The following KLHL18 variants were observed in gnomAD, a reference collection of about 807,000 sequenced individuals.
The protein encoded by KLHL18 is kelch like family member 18, also known as kelch-like protein 18.
In KLHL18, 38 loss-of-function variants were observed where a neutral mutation model predicts 58.5. That is an observed-to-expected ratio of 0.65 (90% CI 0.50 to 0.85). The LOEUF is 0.85. Among genes scored for constraint, KLHL18 ranks in the 40% least tolerant of loss-of-function variants. The pLI, the probability that KLHL18 is intolerant of heterozygous loss-of-function variation, is 0.00. For missense variants in KLHL18, 624 were observed against 778.4 expected (o/e 0.80, Z 2.36); for synonymous variants, 303 against 301.9 (o/e 1.00, Z -0.04).
chr3:47,319,962 TGAA>T (rs1367086701), intron 2 of KLHL18, among the ~76,000 whole-genome samples, 179 bp downstream of exon 2: 1 of 151,944 alleles, frequency 6.6e-6, no homozygotes, highest in African/African-American at 2.4e-5. Flanking sequence ...AGGGTTAAAA[TGAA>T]GGGAGTTTTG....
chr3:47,312,747 G>T (rs1351234222), intron 1 of KLHL18, among the ~76,000 whole-genome samples: 1 of 152,008 alleles, frequency 6.6e-6, no homozygotes, highest in African/African-American at 2.4e-5. Context: ...GTTTCATTAT[G>T]TTGCCCACGC....
intron 1 of KLHL18, chr3:47,287,547 G>A (rs916191140): frequency 1.1e-4 from 16 of 152,150 alleles, no homozygotes; most frequent in African/African-American, 2.4e-4. Context: ...GGGCAGTAGC[G>A]CAATCTTGGC....
At position 47,343,834 on chromosome 3, in the gene KLHL18, T is replaced by C; in HGVS notation, c.1618T>C (p.Ser540Pro). 6.2e-7 allele frequency: 1 copy of C among 1,613,930 alleles called. No individual in the cohort carries two copies. The highest frequency in any genetic ancestry group is 8.5e-7 in the Non-Finnish European group (1 of 1,179,992). Reference protein sequence around the residue: ...GGYDGQSNLSSVEMYDPETDC... With the variant: ...GGYDGQSNLSPVEMYDPETDC... ...CTACGACGGACAGTCAAACCTAAGC[T>C]CAGTGGAGATGTATGACCCAGAGAC... is the stretch of plus-strand genomic sequence containing the variant. Residue 540 changes from serine (S) to proline (P), a missense_variant, in exon 10 of 10, where the codon TCA (serine) becomes CCA (proline). By Grantham distance (74) the Ser-to-Pro change is moderately conservative. Transcript: ENST00000232766.
chr3:47,322,503 C>T, intron 2 of KLHL18, 65 bp from the exon 3 acceptor site: 8 of 1,470,420 alleles, frequency 5.4e-6, no homozygotes, highest in Non-Finnish European at 7.3e-6. Context: ...CAGTTAGGGC[C>T]TGAGTCTCCC....
At chr3:47,342,230 C>G (rs908196609) in intron 8 of KLHL18, among the ~76,000 whole-genome samples, 2 of 152,118 alleles carry the variant, frequency 1.3e-5, no homozygotes, top group African/African-American at 4.8e-5. Flanking sequence ...GGTAGGAAAG[C>G]CAGGCTGCCT....
intron 1 of KLHL18, among the ~76,000 whole-genome samples, chr3:47,303,377 A>G (rs898110563): frequency 1.3e-5 from 2 of 152,168 alleles, no homozygotes; most frequent in African/African-American, 4.8e-5. Context: ...GACCACTTTG[A>G]TGCCTTCATA....
chr3:47,306,742 A>T (rs1703156617), intron 1 of KLHL18, among the ~76,000 whole-genome samples: 1 of 152,220 alleles, frequency 6.6e-6, no homozygotes, highest in Admixed American at 6.5e-5. Context: ...GTAAATTTAC[A>T]TACATTCTAG....
intron 7 of KLHL18, among the ~76,000 whole-genome samples, chr3:47,339,297 C>A (rs1192963710): frequency 6.6e-6 from 1 of 151,790 alleles, no homozygotes; most frequent in African/African-American, 2.4e-5. Flanking sequence ...GAGTTTAAGA[C>A]CAGCCTGGGC....
At chr3:47,332,412 G>A (rs1042796011) in intron 4 of KLHL18, among the ~76,000 whole-genome samples, 1 of 152,118 alleles carries the variant, frequency 6.6e-6, no homozygotes, top group Non-Finnish European at 1.5e-5. Flanking sequence ...GGATTAAAAG[G>A]TATGATTTAT....
At chr3:47,297,535 A>G in intron 1 of KLHL18, 1 of 456,654 alleles carries the variant, frequency 2.2e-6, no homozygotes, top group Non-Finnish European at 4.4e-6. Context: ...AAGCCTCACC[A>G]TCTTTTTCTT....
chr3:47,286,861 C>G (rs1293694032), intron 1 of KLHL18, among the ~76,000 whole-genome samples: 1 of 152,194 alleles, frequency 6.6e-6, no homozygotes, highest in African/African-American at 2.4e-5. Context: ...CTTAATCCCC[C>G]TAAATGGTAC....
chr3:47,325,683 G>A (rs1703701252), intron 3 of KLHL18, among the ~76,000 whole-genome samples: 1 of 152,106 alleles, frequency 6.6e-6, no homozygotes, highest in Non-Finnish European at 1.5e-5. Context: ...CTGAGGCTGG[G>A]GTTGACTTTT....
At chr3:47,284,322 CTTCTT>C (rs1311933975) in intron 1 of KLHL18, among the ~76,000 whole-genome samples, 1 of 148,664 alleles carries the variant, frequency 6.7e-6, no homozygotes, top group Non-Finnish European at 1.5e-5. Context: ...TTCTTTTGCT[CTTCTT>C]TTCTTTTTTC....
chr3:47,311,013 CT>C lies in KLHL18; in HGVS notation c.130-8626del, dbSNP rs372494094. Among the ~76,000 whole-genome samples the C allele has an allele frequency of 9.6e-3, 1,390 of 144,146 alleles. 8 individuals are homozygous for C. Among genetic ancestry groups the C allele is most frequent in the African/African-American group, 0.023 (910 of 39,474 alleles). 94.6% of individuals were successfully genotyped at this position (144,146 alleles called of 152,430 possible). On this transcript the variant is annotated intron_variant, in intron 1 of 9. Coordinates refer to ENST00000232766, the MANE Select transcript of KLHL18 (RefSeq NM_025010.5). ...AGTCCTGTTCCCTGGTTTCCTGATA[CT>C]TTTTTTTTTTTTTGATCTGGAGTCT...
chr3:47,326,293 C>A (rs1576172393), intron 3 of KLHL18, among the ~76,000 whole-genome samples: 1 of 152,166 alleles, frequency 6.6e-6, no homozygotes, highest in Non-Finnish European at 1.5e-5. Context: ...TAGATTGGTA[C>A]ACCAAATGCG....
At chr3:47,299,826 CAAAAAAAAAAAAAAAA>C (rs55695849) in intron 1 of KLHL18, among the ~76,000 whole-genome samples, 1 of 43,788 alleles carries the variant, frequency 2.3e-5, no homozygotes, top group East Asian at 8.6e-4. Context: ...TACTGTGTCT[CAAAAAAAAAAAAAAAA>C]AAAAAAAAAA....
chr3:47,327,171 A>G (rs1163537056), intron 3 of KLHL18, among the ~76,000 whole-genome samples: 1 of 152,128 alleles, frequency 6.6e-6, no homozygotes. Context: ...CCCAGGAGGC[A>G]GAGGTTGCAG....
intron 1 of KLHL18, among the ~76,000 whole-genome samples, chr3:47,305,024 CAA>C (rs1266274843): frequency 1.1e-4 from 13 of 115,206 alleles, no homozygotes; most frequent in African/African-American, 9.8e-5. Flanking sequence ...GATCCTGTTT[CAA>C]AAAAAAAAAA....
chr3:47,324,688 A>G (rs1465422516), intron 3 of KLHL18, among the ~76,000 whole-genome samples: 1 of 152,016 alleles, frequency 6.6e-6, no homozygotes, highest in Non-Finnish European at 1.5e-5. Context: ...AATTTTTTTA[A>G]TTAGTCAAGT....
Sources: allele counts gnomAD v4.1 joint callset (sites outside exome capture counted in the v4.1 genomes callset), GRCh38; gene constraint gnomAD v4.1.1; transcripts MANE v1.5; gene names NCBI Gene and HGNC (gene_info 2026-07-23, HGNC 2026-07-21).